Variants in ULK4 observed in about 807,000 individuals in gnomAD.
ULK4 encodes inactive serine/threonine-protein kinase ULK4.
In ULK4, 133 loss-of-function variants were observed where a neutral mutation model predicts 160.6. That is an observed-to-expected ratio of 0.83 (90% CI 0.72 to 0.96). The LOEUF (loss-of-function observed/expected upper bound fraction) is 0.96. Ranked by LOEUF, ULK4 falls within the 40% of genes least tolerant of loss-of-function variation. The pLI is 0.00. For missense variants in ULK4, 1,580 were observed against 1,499.5 expected (o/e 1.05, Z -0.89); for synonymous variants, 534 against 539.8 (o/e 0.99, Z 0.15).
intron 30 of ULK4, among the ~76,000 whole-genome samples, chr3:41,648,579 G>T (rs2034607263): frequency 6.6e-6 from 1 of 152,016 alleles, no homozygotes; most frequent in Admixed American, 6.6e-5. Context: ...TGTTTTCTTA[G>T]CCTACCCTCA....
At chr3:41,823,085 G>C (rs76676331) in intron 18 of ULK4, among the ~76,000 whole-genome samples, 2 of 151,428 alleles carry the variant, frequency 1.3e-5, no homozygotes, top group African/African-American at 4.9e-5. Context: ...GTGCTATAAA[G>C]AAAAACAGCA....
At chr3:41,269,204 G>A (rs956326723) in intron 35 of ULK4, among the ~76,000 whole-genome samples, 1 of 151,916 alleles carries the variant, frequency 6.6e-6, no homozygotes, top group African/African-American at 2.4e-5. Context: ...TTGTATTTAG[G>A]GTATAATCAC....
At chr3:41,769,712 CCA>C (rs1161130451) in intron 21 of ULK4, among the ~76,000 whole-genome samples, 1 of 152,140 alleles carries the variant, frequency 6.6e-6, no homozygotes, top group African/African-American at 2.4e-5. Context: ...AAAGCTTCCA[CCA>C]CAACCAAAAA....
chr3:41,460,193 C>T (rs1047717708), intron 33 of ULK4, among the ~76,000 whole-genome samples: 1 of 152,166 alleles, frequency 6.6e-6, no homozygotes, highest in Non-Finnish European at 1.5e-5. Context: ...ACTGACACAT[C>T]TGCAAATCAA....
In ULK4 at chr3:41,896,855, C is replaced by G. The variant is rs552586598; in HGVS notation, c.1497G>C (p.Gln499His). The change falls in exon 15 of 37, where the codon CAG becomes CAC. Residue 499 changes from glutamine to histidine, a missense_variant. Transcript: ENST00000301831. ...AATGGAGGAGCCTGGTGGCCACCTC[C>G]TGGTGACCAGCCACCACGCACAAAT... Reference protein sequence around the residue: ...LCYLCVVAGHQEVATRLLHSP... With the variant: ...LCYLCVVAGHHEVATRLLHSP... The G allele has an allele frequency of 6.2e-7, 1 of 1,613,246 alleles. No individual in the cohort carries two copies. Among genetic ancestry groups the G allele is most frequent in the East Asian group, 2.2e-5 (1 of 44,878 alleles).
chr3:41,389,108 T>C (rs1491002457), intron 35 of ULK4, among the ~76,000 whole-genome samples: 1 of 152,110 alleles, frequency 6.6e-6, no homozygotes, highest in African/African-American at 2.4e-5. Flanking sequence ...GTAGGCTGGA[T>C]TCCTAGGTAT....
chr3:41,587,142 T>C (rs2125638759), intron 31 of ULK4, among the ~76,000 whole-genome samples: 1 of 152,306 alleles, frequency 6.6e-6, no homozygotes, highest in East Asian at 1.9e-4. Context: ...GTTGTAAGAC[T>C]GAAGTGTCTG....
At chr3:41,452,453 C>G (rs1402583083) in intron 34 of ULK4, among the ~76,000 whole-genome samples, 1 of 152,106 alleles carries the variant, frequency 6.6e-6, no homozygotes, top group Non-Finnish European at 1.5e-5. Context: ...TCACTCAAAC[C>G]CAGCAATTAA....
chr3:41,597,250 C>G (rs572982681), intron 31 of ULK4, among the ~76,000 whole-genome samples: 1 of 152,170 alleles, frequency 6.6e-6, no homozygotes, highest in Non-Finnish European at 1.5e-5. Context: ...CTTACTTGCT[C>G]TCTCGAAGCT....
chr3:41,594,934 C>T (rs2031591467), intron 31 of ULK4, among the ~76,000 whole-genome samples: 1 of 151,920 alleles, frequency 6.6e-6, no homozygotes, highest in Non-Finnish European at 1.5e-5. Flanking sequence ...AAAGGCCGAT[C>T]CCAGACTGTA....
chr3:41,343,584 G>A (rs529908157), intron 35 of ULK4, among the ~76,000 whole-genome samples: 6 of 151,880 alleles, frequency 4.0e-5, no homozygotes, highest in East Asian at 1.9e-4. Context: ...GATTACAGGC[G>A]TGAGCCACCA....
At chr3:41,507,178 C>CAAAA (rs149739568) in intron 32 of ULK4, among the ~76,000 whole-genome samples, 1 of 82,116 alleles carries the variant, frequency 1.2e-5, no homozygotes, top group African/African-American at 4.6e-5. Flanking sequence ...TAACCAGGAG[C>CAAAA]AAAAAAAAAA....
intron 33 of ULK4, among the ~76,000 whole-genome samples, chr3:41,461,715 A>G (rs1466628581): frequency 6.6e-6 from 1 of 152,062 alleles, no homozygotes; most frequent in African/African-American, 2.4e-5. Context: ...CACTTGTAGT[A>G]AAAAAAAGAA....
intron 32 of ULK4, among the ~76,000 whole-genome samples, chr3:41,506,427 T>C (rs976545395): frequency 6.6e-6 from 1 of 152,160 alleles, no homozygotes; most frequent in Non-Finnish European, 1.5e-5. Flanking sequence ...GGAGGAAGAA[T>C]AGCAGAAGTT....
intron 32 of ULK4, among the ~76,000 whole-genome samples, chr3:41,486,660 T>C (rs1575293646): frequency 6.6e-6 from 1 of 152,132 alleles, no homozygotes; most frequent in South Asian, 2.1e-4. Flanking sequence ...GGTCCTGAGT[T>C]GGAAGTATGG....
intron 33 of ULK4, among the ~76,000 whole-genome samples, chr3:41,458,760 T>A (rs1385226022): frequency 6.6e-6 from 1 of 152,184 alleles, no homozygotes; most frequent in Non-Finnish European, 1.5e-5. Context: ...AGTTCCTGTC[T>A]TATTTATCTT....
chr3:41,476,604 C>T (rs1362998178), intron 32 of ULK4, among the ~76,000 whole-genome samples: 1 of 152,068 alleles, frequency 6.6e-6, no homozygotes, highest in African/African-American at 2.4e-5. Context: ...AACATTAAGC[C>T]ATTCCTTTTT....
chr3:41,834,878 C>T (rs534076539), intron 18 of ULK4, among the ~76,000 whole-genome samples: 1 of 151,896 alleles, frequency 6.6e-6, no homozygotes, highest in East Asian at 2.0e-4. Flanking sequence ...ACCCCATCTT[C>T]ACAAAATATA....
chr3:41,353,852 T>C (rs1408946155), intron 35 of ULK4, among the ~76,000 whole-genome samples: 2 of 152,096 alleles, frequency 1.3e-5, no homozygotes, highest in African/African-American at 2.4e-5. Context: ...AAGTAACAGA[T>C]GCCTCACCAT....
Sources: allele counts gnomAD v4.1 joint callset (sites outside exome capture counted in the v4.1 genomes callset), GRCh38; gene constraint gnomAD v4.1.1; transcripts MANE v1.5; gene names NCBI Gene and HGNC (gene_info 2026-07-23, HGNC 2026-07-21).